The following CENPE variants were observed in gnomAD, a reference collection of about 807,000 sequenced individuals.
The protein encoded by CENPE is centromere-associated protein E.
Under a neutral mutation model 336.1 loss-of-function variants are expected in CENPE, and 145 were observed. That is an observed-to-expected ratio of 0.43 (90% CI 0.38 to 0.50). CENPE has a LOEUF of 0.50. CENPE is among the 20% of genes least tolerant of loss of function. The pLI is 0.00. For synonymous variants in CENPE, 1,013 were observed against 984.8 expected (o/e 1.03, Z -0.54); for missense variants, 2,719 against 3,023.3 (o/e 0.90, Z 2.36).
At chr4:103,183,011 T>C (rs1756455425) in intron 10 of CENPE, 120 bp from the exon 11 acceptor site, 4 of 1,082,882 alleles carry the variant, frequency 3.7e-6, no homozygotes, top group African/African-American at 1.7e-5. Flanking sequence ...TTACAAGTTA[T>C]ATGAGGCAGA....
At chr4:103,195,382 A>G in intron 4 of CENPE, 149 bp from the exon 5 acceptor site, 1 of 551,122 alleles carries the variant, frequency 1.8e-6, no homozygotes, top group Admixed American at 3.9e-5. Context: ...AATGAACACA[A>G]AAATATAAAA....
chr4:103,152,657 G>A lies in CENPE; in HGVS notation c.3237+390C>T, dbSNP rs1986614. Among the ~76,000 whole-genome samples, 523 of 152,222 alleles carry A rather than the reference G, an allele frequency of 3.4e-3. 8 individuals carry two copies. The highest frequency in any genetic ancestry group is 0.012 in the African/African-American group (499 of 41,532). On this transcript the variant is annotated intron_variant, in intron 25 of 48. Transcript: ENST00000265148. ...GGAAAAAGAATAAAAAAATTATGGC[G>A]TATTAATACAATGAACTATTCCTTG... is the stretch of plus-strand genomic sequence containing the variant.
Position 103,182,784 on chromosome 4 carries a change from T to A in CENPE, c.941A>T (p.Asp314Val), listed in dbSNP as rs1185741357. The change falls in exon 11 of 49, where the codon GAT (aspartate) becomes GTT (valine). Residue 314 changes from aspartate (D) to valine (V), a missense_variant. Transcript: ENST00000265148. ...CACCTGGAGAGCAGTAAGTGTTTCATCAAAAGATACTGGAGTAATTGTGCA... is the reference window on the plus strand; with the variant it reads ...CACCTGGAGAGCAGTAAGTGTTTCAACAAAAGATACTGGAGTAATTGTGCA... ...IICTITPVSF[D>V]ETLTALQFAS... The A allele has an allele frequency of 6.2e-7, 1 of 1,610,614 alleles. No individual in the cohort carries two copies. The highest frequency in any genetic ancestry group is 1.3e-5 in the African/African-American group (1 of 74,834).
intron 33 of CENPE, 21 bp downstream of exon 33, chr4:103,144,310 T>C (rs1252109541): frequency 6.4e-7 from 1 of 1,564,442 alleles, no homozygotes; most frequent in Non-Finnish European, 8.7e-7. Flanking sequence ...TTACTAGAGG[T>C]GTAGAGAGAT....
At chr4:103,174,579 T>C (rs989858773) in intron 16 of CENPE, among the ~76,000 whole-genome samples, 157 bp downstream of exon 16, 1 of 152,024 alleles carries the variant, frequency 6.6e-6, no homozygotes, top group African/African-American at 2.4e-5. Flanking sequence ...AATGTATATA[T>C]ACTTCAAAAC....
At chr4:103,194,714 G>C (rs1362535272) in intron 5 of CENPE, 30 bp from the exon 6 acceptor site, 2 of 1,533,624 alleles carry the variant, frequency 1.3e-6, no homozygotes, top group Non-Finnish European at 1.8e-6. Flanking sequence ...GGAAAGATTA[G>C]AGAAATAGAA....
intron 4 of CENPE, 66 bp from the exon 5 acceptor site, chr4:103,195,299 G>T: frequency 7.2e-7 from 1 of 1,394,814 alleles, no homozygotes; most frequent in Non-Finnish European, 9.7e-7. Flanking sequence ...AATGCTAAAT[G>T]CTCATGTGCT....
chr4:103,161,868 T>C (rs1292933331), intron 18 of CENPE, among the ~76,000 whole-genome samples: 12 of 151,680 alleles, frequency 7.9e-5, no homozygotes, highest in Non-Finnish European at 1.8e-4. Flanking sequence ...AATGATCTAA[T>C]AGAAAAATAG....
intron 26 of CENPE, among the ~76,000 whole-genome samples, chr4:103,150,378 T>A (rs1753437777): frequency 6.6e-6 from 1 of 152,108 alleles, no homozygotes; most frequent in Non-Finnish European, 1.5e-5. Context: ...GCCCAGGAGT[T>A]TGAGACCAGC....
At chr4:103,144,254 C>T in intron 33 of CENPE, 77 bp downstream of exon 33, 1 of 1,336,410 alleles carries the variant, frequency 7.5e-7, no homozygotes, top group Non-Finnish European at 1.0e-6. Context: ...TTTTATACTC[C>T]CACCAACCCT....
At position 103,188,295 on chromosome 4, in the gene CENPE, C is replaced by T. The variant is rs190656895; in HGVS notation, c.694-2434G>A. ...GAACTCAGCTCTGCACCAAGCAGAC[C>T]TAATAGACATCTATAGAACTCTCCA... On this transcript the variant is annotated intron_variant, in intron 8 of 48. Coordinates refer to ENST00000265148, the MANE Select transcript of CENPE (RefSeq NM_001813.3). Among the ~76,000 whole-genome samples the T allele has an allele frequency of 1.6e-4, 25 of 152,272 alleles. No homozygotes were observed. The East Asian group carries it at 4.8e-3, about 29-fold the overall frequency.
intron 48 of CENPE, among the ~76,000 whole-genome samples, chr4:103,107,108 G>A (rs1269209152): frequency 4.6e-5 from 7 of 152,196 alleles, no homozygotes; most frequent in Non-Finnish European, 1.0e-4. Flanking sequence ...AGCTGGGTGT[G>A]GTAGCTAGCA....
At chr4:103,127,615 G>C (rs527843946) in intron 42 of CENPE, among the ~76,000 whole-genome samples, 3 of 152,096 alleles carry the variant, frequency 2.0e-5, no homozygotes, top group Admixed American at 6.5e-5. Flanking sequence ...AATGAATAAC[G>C]GCAATGATAC....
At position 103,132,825 on chromosome 4, in the gene CENPE, A is replaced by G; in HGVS notation, c.6792T>C (p.Asn2264=). The change falls in exon 42 of 49, where the codon AAT becomes AAC. Residue 2264 remains asparagine (N), a synonymous_variant. Transcript: ENST00000265148. ...CCAAAAACTGTGTCATTTCTTTCCT[A>G]TTACTTAGTACTTGTTGAAATTCAG... ...IKTEFQQVLS[N]RKEMTQFLEE... 1 of 1,587,726 alleles carries G rather than the reference A, an allele frequency of 6.3e-7. No individual in the cohort carries two copies. The highest frequency in any genetic ancestry group is 8.6e-7 in the Non-Finnish European group (1 of 1,162,556).
intron 18 of CENPE, among the ~76,000 whole-genome samples, chr4:103,162,357 G>C (rs968196958): frequency 2.0e-5 from 3 of 151,862 alleles, no homozygotes; most frequent in African/African-American, 7.3e-5. Context: ...ACATATATAA[G>C]TAATCAGGTA....
chr4:103,135,000 T>C (rs1238390794), intron 40 of CENPE, among the ~76,000 whole-genome samples: 1 of 152,228 alleles, frequency 6.6e-6, no homozygotes, highest in Admixed American at 6.5e-5. Context: ...CACTCATAAC[T>C]TCATCTTTGA....
chr4:103,126,810 A>G (rs901950167), intron 42 of CENPE, among the ~76,000 whole-genome samples: 4 of 152,198 alleles, frequency 2.6e-5, no homozygotes, highest in Non-Finnish European at 4.4e-5. Flanking sequence ...TGAAGAGTTC[A>G]TTAGCAGACT....
At chr4:103,117,026 G>A (rs1000665595) in intron 44 of CENPE, among the ~76,000 whole-genome samples, 4 of 151,926 alleles carry the variant, frequency 2.6e-5, no homozygotes, top group Non-Finnish European at 5.9e-5. Flanking sequence ...GGTGGAAAAA[G>A]GTAAATCAGA....
At position 103,120,071 on chromosome 4, in the gene CENPE, G is replaced by A. The variant is rs1750476514; in HGVS notation, c.7329+77C>T. The A allele has an allele frequency of 2.9e-6, 3 of 1,043,154 alleles. No homozygotes were observed. In the Admixed American group the frequency reaches 8.2e-5, roughly 29 times the overall value. 64.6% of individuals were successfully genotyped at this position (1,043,154 alleles called of 1,614,324 possible). ...AGTTGTTGTGAGAGGGAAGAATAGAGCACAAGGAGATTTGCTGAATTCAAT... is the reference window on the plus strand; with the variant it reads ...AGTTGTTGTGAGAGGGAAGAATAGAACACAAGGAGATTTGCTGAATTCAAT... On this transcript the variant is annotated intron_variant, in intron 44 of 48. Transcript: ENST00000265148.
Sources: gnomAD v4.1 joint callset for allele counts (sites outside exome capture counted in the v4.1 genomes callset) on GRCh38, gnomAD v4.1.1 for gene constraint, MANE v1.5 for transcripts, NCBI Gene and HGNC (gene_info 2026-07-23, HGNC 2026-07-21) for gene names.